The following GPR137B variants were observed in gnomAD, a reference collection of about 807,000 sequenced individuals.
The protein encoded by GPR137B is integral membrane protein GPR137B.
GPR137B carries 42 observed loss-of-function variants against 42.5 expected under a neutral mutation model. That is an observed-to-expected ratio of 0.99 (90% CI 0.77 to 1.28). GPR137B has a LOEUF of 1.28. Among genes scored for constraint, GPR137B ranks in the 50% most tolerant of loss-of-function variants. The pLI is 0.00. For synonymous variants in GPR137B, 218 were observed against 209.7 expected (o/e 1.04, Z -0.34); for missense variants, 487 against 493.9 (o/e 0.99, Z 0.13).
At chr1:236,160,675 C>T (rs1316668227) in intron 1 of GPR137B, among the ~76,000 whole-genome samples, 1 of 152,162 alleles carries the variant, frequency 6.6e-6, no homozygotes, top group African/African-American at 2.4e-5. Context: ...TCACTGCTCC[C>T]ACTTCCTCCT....
chr1:236,177,038 T>C (rs1190985744), intron 2 of GPR137B, among the ~76,000 whole-genome samples: 1 of 152,146 alleles, frequency 6.6e-6, no homozygotes, highest in Non-Finnish European at 1.5e-5. Flanking sequence ...TTTGCTGCAG[T>C]GCTGTTTGAG....
rs1367554308 is a variant in GPR137B, at chr1:236,142,897, G to C, written c.275G>C (p.Arg92Pro). Reference protein sequence around the residue: ...LFLCLFWASLRTVLFSFYFKD... With the variant: ...LFLCLFWASLPTVLFSFYFKD... Reference sequence around the variant, plus strand: ...CTCTGCCTCTTCTGGGCCTCCCTGCGGACCGTCCTCTTCTCCTTCTACTTC... The same window carrying C: ...CTCTGCCTCTTCTGGGCCTCCCTGCCGACCGTCCTCTTCTCCTTCTACTTC... The change falls in exon 1 of 7, where the codon CGG (arginine) becomes CCG (proline). Residue 92 changes from arginine (R) to proline (P), a missense_variant. Physicochemically the swap from Arg to Pro is moderately radical, Grantham distance 103. Coordinates refer to ENST00000366592, the MANE Select transcript of GPR137B (RefSeq NM_003272.4). 6.2e-7 allele frequency: 1 copy of C among 1,614,208 alleles called. No individual in the cohort carries two copies. Among genetic ancestry groups the C allele is most frequent in the East Asian group, 2.2e-5 (1 of 44,878 alleles).
chr1:236,169,564 T>G (rs2102904209), intron 2 of GPR137B, among the ~76,000 whole-genome samples: 1 of 152,266 alleles, frequency 6.6e-6, no homozygotes, highest in African/African-American at 2.4e-5. Context: ...GCCAAAAACA[T>G]GGACACCGGG....
At chr1:236,203,790 T>G (rs1354300958) in intron 5 of GPR137B, among the ~76,000 whole-genome samples, 1 of 152,240 alleles carries the variant, frequency 6.6e-6, no homozygotes, top group Non-Finnish European at 1.5e-5. Context: ...TTTTTGTTTC[T>G]TTTTCAGATT....
At chr1:236,201,983 C>T (rs1207624793) in intron 5 of GPR137B, among the ~76,000 whole-genome samples, 1 of 151,990 alleles carries the variant, frequency 6.6e-6, no homozygotes, top group Non-Finnish European at 1.5e-5. Context: ...GATGGGGCTT[C>T]CTGTGAGCCA....
intron 5 of GPR137B, among the ~76,000 whole-genome samples, 200 bp from the exon 6 acceptor site, chr1:236,204,926 A>T (rs564722347): frequency 6.6e-6 from 1 of 152,204 alleles, no homozygotes; most frequent in Non-Finnish European, 1.5e-5. Flanking sequence ...CTGATAGAAG[A>T]CTTTGCCCAT....
intron 1 of GPR137B, among the ~76,000 whole-genome samples, chr1:236,164,686 G>T (rs945681839): frequency 1.3e-5 from 2 of 152,160 alleles, no homozygotes; most frequent in Non-Finnish European, 2.9e-5. Flanking sequence ...GAGGGCAAAA[G>T]TTGTACTGAA....
rs112786667 is a variant in GPR137B at position 236,202,797 on chromosome 1, T to A, written c.967-2329T>A. 4.1e-3 allele frequency among the ~76,000 whole-genome samples: 623 copies of A among 152,372 alleles called. 5 individuals are homozygous for A. Among genetic ancestry groups the A allele is most frequent in the African/African-American group, 0.014 (583 of 41,590 alleles). On this transcript the variant is annotated intron_variant, in intron 5 of 6. Transcript: ENST00000366592. ...GAAATTTTTGCCCAGACCCATGTCTTGGCGATATTCCCCAATGTTTTCTTG... is the reference window on the plus strand; with the variant it reads ...GAAATTTTTGCCCAGACCCATGTCTAGGCGATATTCCCCAATGTTTTCTTG...
At chr1:236,200,753 C>G (rs1663470856) in intron 5 of GPR137B, among the ~76,000 whole-genome samples, 1 of 152,006 alleles carries the variant, frequency 6.6e-6, no homozygotes. Flanking sequence ...AGTTGAGTCT[C>G]TTGAAGACAG....
intron 5 of GPR137B, among the ~76,000 whole-genome samples, chr1:236,189,345 T>TA (rs1314335537): frequency 1.3e-5 from 2 of 152,016 alleles, no homozygotes; most frequent in Non-Finnish European, 2.9e-5. Flanking sequence ...TGATCTTAGT[T>TA]ATTTCTTCTG....
chr1:236,207,181 A>G, intron 6 of GPR137B: 14 of 985,050 alleles, frequency 1.4e-5, no homozygotes, highest in Non-Finnish European at 1.7e-5. Context: ...TTTCTCAGTG[A>G]TCGGGGAGCA....
chr1:236,183,753 G>A (rs1006582258), intron 4 of GPR137B, 25 bp from the exon 5 acceptor site: 9 of 1,573,622 alleles, frequency 5.7e-6, no homozygotes, highest in Non-Finnish European at 7.0e-6. Context: ...TTGGTCTGAT[G>A]ACTCTCCCTG....
At chr1:236,190,148 C>CTTCTTTTTTTTTTTT (rs61093509) in intron 5 of GPR137B, among the ~76,000 whole-genome samples, 3 of 119,424 alleles carry the variant, frequency 2.5e-5, no homozygotes, top group Non-Finnish European at 3.5e-5. Context: ...CCTGCTTCTT[C>CTTCTTTTTTTTTTTT]TTTTTTTTTT....
Position 236,142,635 on chromosome 1 carries a change from C to A in GPR137B, c.13C>A (p.Arg5Ser), listed in dbSNP as rs565925304. The A allele has an allele frequency of 6.8e-7, 1 of 1,473,192 alleles. No individual in the cohort carries two copies. Among genetic ancestry groups the A allele is most frequent in the South Asian group, 1.4e-5 (1 of 73,966 alleles). The allele number at this position is 1,473,192 out of a possible 1,614,324, so 91.3% of individuals were successfully genotyped here. The change falls in exon 1 of 7, where the codon CGT becomes AGT. Residue 5 changes from arginine (R) to serine (S), a missense_variant. Coordinates refer to ENST00000366592, the MANE Select transcript of GPR137B (RefSeq NM_003272.4). MRPERPRPRGSAPGP... is the reference protein window; with the variant it reads MRPESPRPRGSAPGP... The stretch of plus-strand genomic sequence containing the variant: ...GCCGTGAGCCCCGATGAGGCCCGAG[C>A]GTCCCCGGCCGCGCGGCAGCGCCCC...
At chr1:236,146,683 G>C (rs1342032733) in intron 1 of GPR137B, among the ~76,000 whole-genome samples, 4 of 152,244 alleles carry the variant, frequency 2.6e-5, no homozygotes, top group African/African-American at 9.6e-5. Flanking sequence ...GTACACATCT[G>C]AGGGTAATGC....
intron 5 of GPR137B, among the ~76,000 whole-genome samples, chr1:236,192,377 A>T (rs547824096): frequency 6.4e-5 from 9 of 141,186 alleles, no homozygotes; most frequent in Non-Finnish European, 1.4e-4. Context: ...GGGTATGGGG[A>T]AAAAAAAAAA....
At chr1:236,176,804 G>T (rs1662702058) in intron 2 of GPR137B, among the ~76,000 whole-genome samples, 1 of 152,118 alleles carries the variant, frequency 6.6e-6, no homozygotes, top group African/African-American at 2.4e-5. Context: ...CTACAGTGTG[G>T]ATGGAGAGAG....
At chr1:236,176,683 T>C (rs1662695871) in intron 2 of GPR137B, among the ~76,000 whole-genome samples, 1 of 152,138 alleles carries the variant, frequency 6.6e-6, no homozygotes, top group African/African-American at 2.4e-5. Flanking sequence ...GCTTAGAGCA[T>C]TCATAGGAAA....
At chr1:236,195,937 ATT>A (rs1365825297) in intron 5 of GPR137B, among the ~76,000 whole-genome samples, 1 of 151,986 alleles carries the variant, frequency 6.6e-6, no homozygotes, top group African/African-American at 2.4e-5. Flanking sequence ...CCCATTTTTA[ATT>A]TTGATTACTA....
Sources: gnomAD v4.1 joint callset for allele counts (sites outside exome capture counted in the v4.1 genomes callset) on GRCh38, gnomAD v4.1.1 for gene constraint, MANE v1.5 for transcripts, NCBI Gene and HGNC (gene_info 2026-07-23, HGNC 2026-07-21) for gene names.